PRR16: variants seen among roughly 807,000 people sequenced by gnomAD.
PRR16 encodes protein Largen.
A neutral mutation model predicts 18.2 loss-of-function variants in PRR16; 6 were observed. That is an observed-to-expected ratio of 0.33 (90% confidence interval 0.18 to 0.65). The LOEUF (loss-of-function observed/expected upper bound fraction) is 0.65, where lower values mean the gene tolerates loss of function less well. Among genes scored for constraint, PRR16 ranks in the 30% least tolerant of loss-of-function variants. PRR16 has a pLI of 0.74. For synonymous variants in PRR16, 151 were observed against 147.8 expected, an observed-to-expected ratio of 1.02 and a Z score of -0.16; for missense variants, 412 against 376.6, an observed-to-expected ratio of 1.09 and a Z score of -0.78.
rs371142809 is a variant in PRR16 at position 120,496,241 on chromosome 5, C to T, written c.159+31596C>T. On this transcript the variant is annotated intron_variant, in intron 1 of 1. Coordinates refer to ENST00000407149, the MANE Select transcript of PRR16 (RefSeq NM_001300783.2). ...TCTGTAGATATGGTGTGGACATTCCCACGTCTTCTATTTTCTAGAAAATAT... is the reference window on the plus strand; with the variant it reads ...TCTGTAGATATGGTGTGGACATTCCTACGTCTTCTATTTTCTAGAAAATAT... Among the ~76,000 whole-genome samples, 160 of 151,970 alleles carry T rather than the reference C, an allele frequency of 1.1e-3. 1 individual carries two copies. The highest frequency in any genetic ancestry group is 3.6e-3 in the African/African-American group (151 of 41,500).
intron 1 of PRR16, among the ~76,000 whole-genome samples, chr5:120,583,624 A>G (rs1753345719): frequency 6.6e-6 from 1 of 152,160 alleles, no homozygotes; most frequent in Non-Finnish European, 1.5e-5. Context: ...AGAACTGTAA[A>G]TCTTGAGATT....
intron 1 of PRR16, among the ~76,000 whole-genome samples, chr5:120,660,282 A>G (rs1215772349): frequency 6.6e-6 from 1 of 152,076 alleles, no homozygotes; most frequent in East Asian, 1.9e-4. Context: ...ATTTTAAATA[A>G]TATGATATTA....
At chr5:120,709,229 G>C in the PRR16 span, among the ~76,000 whole-genome samples, 1 of 151,672 alleles carries the variant, frequency 6.6e-6, no homozygotes. Context: ...GGATGGTCTC[G>C]ATCTCCTGAC....
chr5:120,724,861 A>G, the PRR16 span, among the ~76,000 whole-genome samples: 4 of 152,056 alleles, frequency 2.6e-5, no homozygotes, highest in African/African-American at 9.7e-5. Flanking sequence ...TTTAATGACT[A>G]ATAAACTGAG....
the PRR16 span, among the ~76,000 whole-genome samples, chr5:120,754,112 A>G: frequency 2.6e-5 from 3 of 115,556 alleles, no homozygotes; most frequent in African/African-American, 6.1e-5. Context: ...GGAAGAAAAT[A>G]GAATATTTCT....
the PRR16 span, among the ~76,000 whole-genome samples, chr5:120,756,827 T>C: frequency 1.3e-5 from 2 of 152,112 alleles, no homozygotes; most frequent in Non-Finnish European, 2.9e-5. Context: ...TTTTTGTTTT[T>C]GTTGCAGTTG....
chr5:120,612,580 CT>C (rs112254433), intron 1 of PRR16, among the ~76,000 whole-genome samples: 11,285 of 152,114 alleles, frequency 0.074, 1,379 homozygotes, highest in African/African-American at 0.26. Context: ...CTCATTTTCT[CT>C]TGCCACCACC....
At position 120,686,803 on chromosome 5, in the gene PRR16, A is replaced by G; in HGVS notation, c.*94A>G. On this transcript the variant is annotated 3_prime_UTR_variant, in exon 2 of 2. Transcript: ENST00000407149. ...TTCTACTCAAGCAATAAAAAGCCCA[A>G]ATATATTAATCCTGCATTCAGCAAA... 9.4e-7 allele frequency: 1 copy of G among 1,067,858 alleles called. No homozygotes were observed. The highest frequency in any genetic ancestry group is 1.3e-6 in the Non-Finnish European group (1 of 798,252). 66.1% of individuals were successfully genotyped at this position (1,067,858 alleles called of 1,614,324 possible).
At chr5:120,490,525 G>T (rs764368245) in intron 1 of PRR16, among the ~76,000 whole-genome samples, 8 of 152,086 alleles carry the variant, frequency 5.3e-5, no homozygotes, top group Non-Finnish European at 8.8e-5. Flanking sequence ...GGACTTCTCT[G>T]CATTGGTTAT....
the PRR16 span, among the ~76,000 whole-genome samples, chr5:120,747,597 C>T: frequency 6.6e-6 from 1 of 152,102 alleles, no homozygotes; most frequent in Non-Finnish European, 1.5e-5. Context: ...CTACCCTTGG[C>T]ATTCTGTACC....
the PRR16 span, among the ~76,000 whole-genome samples, chr5:120,748,571 A>G: frequency 1.9e-4 from 29 of 152,138 alleles, no homozygotes; most frequent in Admixed American, 1.7e-3. Flanking sequence ...TAATAAGTCT[A>G]TGAGAAAAGA....
chr5:120,593,110 G>A (rs1454996116), intron 1 of PRR16, among the ~76,000 whole-genome samples: 1 of 151,782 alleles, frequency 6.6e-6, no homozygotes, highest in Non-Finnish European at 1.5e-5. Flanking sequence ...AAGAACTAGA[G>A]AAGCAAGAGC....
chr5:120,685,062 C>T (rs1460044083), intron 1 of PRR16, among the ~76,000 whole-genome samples: 1 of 152,216 alleles, frequency 6.6e-6, no homozygotes, highest in Non-Finnish European at 1.5e-5. Context: ...CAAGGCGAGA[C>T]AGCTTTTGCT....
chr5:120,583,657 C>G (rs1029862612), intron 1 of PRR16, among the ~76,000 whole-genome samples: 18 of 152,084 alleles, frequency 1.2e-4, no homozygotes, highest in Non-Finnish European at 2.4e-4. Context: ...ACTGTCAATG[C>G]TAAGCTTAGT....
At position 120,532,428 on chromosome 5, in the gene PRR16, A is replaced by G. The variant is rs549041641; in HGVS notation, c.159+67783A>G. On this transcript the variant is annotated intron_variant, in intron 1 of 1. Transcript: ENST00000407149. ...AGTAGGATAACTATCCCTGAATGCTATGGGTGTTAAATAAGAAAAAAACAA... is the reference window on the plus strand; with the variant it reads ...AGTAGGATAACTATCCCTGAATGCTGTGGGTGTTAAATAAGAAAAAAACAA... 3.9e-5 allele frequency among the ~76,000 whole-genome samples: 6 copies of G among 152,202 alleles called. No individual in the cohort carries two copies. The South Asian group carries it at 1.2e-3, about 32-fold the overall frequency.
At chr5:120,574,385 C>G (rs563669689) in intron 1 of PRR16, among the ~76,000 whole-genome samples, 7 of 152,074 alleles carry the variant, frequency 4.6e-5, no homozygotes, top group Non-Finnish European at 8.8e-5. Context: ...AGGTGGATTA[C>G]TTGAGACCAG....
chr5:120,561,514 G>T (rs1166029065), intron 1 of PRR16, among the ~76,000 whole-genome samples: 1 of 152,056 alleles, frequency 6.6e-6, no homozygotes, highest in Non-Finnish European at 1.5e-5. Flanking sequence ...AATATTTTAA[G>T]AACTTGTTTT....
chr5:120,652,242 T>G (rs978114405), intron 1 of PRR16, among the ~76,000 whole-genome samples: 1 of 152,078 alleles, frequency 6.6e-6, no homozygotes, highest in African/African-American at 2.4e-5. Context: ...ATGTTTTTTT[T>G]GTTTATTGAT....
chr5:120,580,693 G>A (rs1262810636), intron 1 of PRR16, among the ~76,000 whole-genome samples: 9 of 152,112 alleles, frequency 5.9e-5, no homozygotes. Context: ...CTGACCTCAT[G>A]ATCTGCCCAC....
Sources: allele counts gnomAD v4.1 joint callset (sites outside exome capture counted in the v4.1 genomes callset), GRCh38; gene constraint gnomAD v4.1.1; transcripts MANE v1.5; gene names NCBI Gene and HGNC (gene_info 2026-07-23, HGNC 2026-07-21).